FANCC: variants seen among roughly 807,000 people sequenced by gnomAD.
FANCC encodes the protein FA complementation group C.
FANCC carries 55 observed loss-of-function variants against 71.3 expected under a neutral mutation model. The ratio of observed to expected loss-of-function variants is 0.77; its 90% confidence interval spans 0.62 to 0.97. FANCC has a LOEUF of 0.97. FANCC is among the 50% of genes least tolerant of loss of function. FANCC has a pLI of 0.00. For missense variants in FANCC, 678 were observed against 670.9 expected, an observed-to-expected ratio of 1.01 and a Z score of -0.12; for synonymous variants, 275 against 244.9, an observed-to-expected ratio of 1.12 and a Z score of -1.15.
intron 13 of FANCC, chr9:95,110,398 C>G: frequency 9.8e-7 from 1 of 1,024,154 alleles, no homozygotes; most frequent in Non-Finnish European, 1.2e-6. Context: ...CATCTTATTA[C>G]TGTTAAAAAC....
At chr9:95,201,396 G>T (rs1012229574) in intron 4 of FANCC, among the ~76,000 whole-genome samples, 1 of 152,042 alleles carries the variant, frequency 6.6e-6, no homozygotes, top group Non-Finnish European at 1.5e-5. Flanking sequence ...TCCAAGGCGT[G>T]AAGTTCCATT....
chr9:95,299,092 AAC>A (rs1314411257), intron 1 of FANCC, among the ~76,000 whole-genome samples: 2 of 152,234 alleles, frequency 1.3e-5, no homozygotes, highest in African/African-American at 2.4e-5. Flanking sequence ...GTTTTAGTCT[AAC>A]ACACCATTTA....
intron 6 of FANCC, among the ~76,000 whole-genome samples, chr9:95,165,948 G>T (rs1831040630): frequency 6.6e-6 from 1 of 151,816 alleles, no homozygotes; most frequent in South Asian, 2.1e-4. Context: ...CATATATTTG[G>T]ATGCTGTGTT....
At chr9:95,229,260 T>C (rs1367341320) in intron 4 of FANCC, among the ~76,000 whole-genome samples, 1 of 143,252 alleles carries the variant, frequency 7.0e-6, no homozygotes, top group Non-Finnish European at 1.5e-5. Context: ...ATCACACCAC[T>C]GCACTTCAGC....
chr9:95,188,530 G>A (rs1826875707), intron 4 of FANCC, among the ~76,000 whole-genome samples: 1 of 152,194 alleles, frequency 6.6e-6, no homozygotes, highest in African/African-American at 2.4e-5. Flanking sequence ...TCCTAGAAGG[G>A]AGAAATTTCC....
chr9:95,190,416 CTG>C (rs1407114192), intron 4 of FANCC, among the ~76,000 whole-genome samples: 4 of 152,234 alleles, frequency 2.6e-5, no homozygotes, highest in African/African-American at 9.6e-5. Flanking sequence ...CTCCTCATCT[CTG>C]TGTTCTGCAT....
intron 1 of FANCC, among the ~76,000 whole-genome samples, chr9:95,278,082 A>T (rs1001107702): frequency 1.6e-4 from 24 of 152,256 alleles, no homozygotes; most frequent in African/African-American, 5.5e-4. Flanking sequence ...GGAATAAGAT[A>T]TGTAAATATA....
intron 1 of FANCC, chr9:95,293,288 G>A: frequency 1.9e-6 from 3 of 1,613,610 alleles, no homozygotes; most frequent in Non-Finnish European, 2.5e-6. Flanking sequence ...GCCTGTCTTT[G>A]TGCCTACAGC....
chr9:95,188,196 G>T (rs1482163927), intron 4 of FANCC, among the ~76,000 whole-genome samples: 1 of 152,064 alleles, frequency 6.6e-6, no homozygotes, highest in Non-Finnish European at 1.5e-5. Flanking sequence ...ATTTATCACT[G>T]CCAATACTAA....
chr9:95,212,469 T>C (rs958920733), intron 4 of FANCC, among the ~76,000 whole-genome samples: 2 of 151,792 alleles, frequency 1.3e-5, no homozygotes, highest in African/African-American at 2.4e-5. Flanking sequence ...AAGTACCAAA[T>C]AGCAAAGAAA....
chr9:95,296,033 G>A (rs920621619), intron 1 of FANCC, among the ~76,000 whole-genome samples: 3 of 152,270 alleles, frequency 2.0e-5, no homozygotes, highest in East Asian at 1.9e-4. Flanking sequence ...GGGAGGTGAT[G>A]GGTATGTTTA....
At chr9:95,205,938 T>C (rs1186225802) in intron 4 of FANCC, among the ~76,000 whole-genome samples, 1 of 152,186 alleles carries the variant, frequency 6.6e-6, no homozygotes, top group Non-Finnish European at 1.5e-5. Context: ...AATAAATTGA[T>C]TAAATTCAAT....
chr9:95,198,712 C>A (rs1425675212), intron 4 of FANCC, among the ~76,000 whole-genome samples: 1 of 152,094 alleles, frequency 6.6e-6, no homozygotes, highest in Non-Finnish European at 1.5e-5. Flanking sequence ...TGGAAATGTA[C>A]ATTATCTTAT....
At chr9:95,314,583 C>T (rs753138154) in intron 1 of FANCC, among the ~76,000 whole-genome samples, 1 of 151,570 alleles carries the variant, frequency 6.6e-6, no homozygotes, top group Non-Finnish European at 1.5e-5. Context: ...ACCCGGGAGG[C>T]GGAGATTGCA....
chr9:95,287,447 A>G (rs1291056233), intron 1 of FANCC, among the ~76,000 whole-genome samples: 1 of 152,200 alleles, frequency 6.6e-6, no homozygotes, highest in Non-Finnish European at 1.5e-5. Context: ...CCATATCAGC[A>G]GTCTCCTTCT....
chr9:95,143,231 A>T (rs1055858737), intron 7 of FANCC, among the ~76,000 whole-genome samples: 2 of 152,230 alleles, frequency 1.3e-5, no homozygotes, highest in Non-Finnish European at 2.9e-5. Flanking sequence ...CTGAGCTTCC[A>T]GGCCCTCTCC....
chr9:95,217,251 C>T lies in FANCC; in HGVS notation c.345+23398G>A, dbSNP rs543663146. On this transcript the variant is annotated intron_variant, in intron 4 of 14. Coordinates refer to ENST00000289081, the MANE Select transcript of FANCC (RefSeq NM_000136.3). ...CTGTAATCCCAGCACTTTGGGAGGC[C>T]GAGGTGGGTGGATCATGAGGTCAGG... 5.9e-5 allele frequency among the ~76,000 whole-genome samples: 9 copies of T among 152,116 alleles called. No homozygotes were observed. In the East Asian group the frequency reaches 1.4e-3, roughly 23 times the overall value.
rs535934482 is a variant in FANCC at position 95,272,493 on chromosome 9, C to T, written c.-78-23124G>A. Among the ~76,000 whole-genome samples, 34 of 152,116 alleles carry T rather than the reference C, an allele frequency of 2.2e-4. 1 individual carries two copies. In the South Asian group the frequency reaches 5.2e-3, roughly 23 times the overall value. ...GGTGGATCACTTGAGGCCAGGAACT[C>T]GAGCCCAGCCTGGCCAACACAGTGA... is the stretch of plus-strand genomic sequence containing the variant. On this transcript the variant is annotated intron_variant, in intron 1 of 14. Coordinates refer to ENST00000289081, the MANE Select transcript of FANCC (RefSeq NM_000136.3).
intron 1 of FANCC, among the ~76,000 whole-genome samples, chr9:95,270,357 C>A (rs1179593811): frequency 6.6e-6 from 1 of 152,130 alleles, no homozygotes; most frequent in African/African-American, 2.4e-5. Flanking sequence ...AGCAACCACC[C>A]GGAGAAACGG....
Sources: allele counts gnomAD v4.1 joint callset (sites outside exome capture counted in the v4.1 genomes callset), GRCh38; gene constraint gnomAD v4.1.1; transcripts MANE v1.5; gene names NCBI Gene and HGNC (gene_info 2026-07-23, HGNC 2026-07-21).